RBPJ: variants seen among roughly 807,000 people sequenced by gnomAD.
RBPJ encodes the protein recombination signal binding protein for immunoglobulin kappa J region.
In RBPJ, 9 loss-of-function variants were observed where a neutral mutation model predicts 67.8. The ratio of observed to expected loss-of-function variants is 0.13; its 90% CI spans 0.08 to 0.23. The LOEUF (loss-of-function observed/expected upper bound fraction) is 0.23. Among genes scored for constraint, RBPJ ranks in the 10% least tolerant of loss-of-function variants. The pLI is 1.00. For missense variants in RBPJ, 305 were observed against 595.6 expected, an observed-to-expected ratio of 0.51 and a Z score of 5.08; for synonymous variants, 198 against 203.3, an observed-to-expected ratio of 0.97 and a Z score of 0.22.
intron 1 of RBPJ, among the ~76,000 whole-genome samples, chr4:26,205,964 G>A (rs1016548023): frequency 2.0e-5 from 3 of 147,430 alleles, no homozygotes; most frequent in African/African-American, 7.6e-5. Context: ...AATCCATTCA[G>A]TCTGTTGAGT....
chr4:26,395,086 C>A (rs1560320159), intron 2 of RBPJ, among the ~76,000 whole-genome samples: 1 of 152,162 alleles, frequency 6.6e-6, no homozygotes, highest in Non-Finnish European at 1.5e-5. Flanking sequence ...TGGAAATAAT[C>A]AGTTTCTGAA....
At chr4:26,412,595 G>GA (rs1734149823) in intron 3 of RBPJ, among the ~76,000 whole-genome samples, 1 of 151,856 alleles carries the variant, frequency 6.6e-6, no homozygotes, top group African/African-American at 2.4e-5. Flanking sequence ...CAAGGTCTGG[G>GA]GAAAAAAAAT....
chr4:26,385,804 T>A (rs183407112), intron 1 of RBPJ, among the ~76,000 whole-genome samples: 1,592 of 151,206 alleles, frequency 0.011, 12 homozygotes, highest in Non-Finnish European at 0.013. Flanking sequence ...TTATTTATTT[T>A]TTTATTTTAT....
At chr4:26,384,871 GCCTCTCGCCTCTCC>G in intron 1 of RBPJ, among the ~76,000 whole-genome samples, 1 of 27,454 alleles carries the variant, frequency 3.6e-5, no homozygotes, top group African/African-American at 1.9e-4. Context: ...CTCCCCTCCC[GCCTCTCGCCTCTCC>G]CCTCTCCCCT....
chr4:26,352,545 C>T (rs980053993), intron 1 of RBPJ, among the ~76,000 whole-genome samples: 2 of 152,168 alleles, frequency 1.3e-5, no homozygotes, highest in African/African-American at 4.8e-5. Flanking sequence ...CACACCTGTA[C>T]TCCCAGCACT....
At chr4:26,164,306 T>C (rs1255548185) in intron 1 of RBPJ, among the ~76,000 whole-genome samples, 5 of 152,240 alleles carry the variant, frequency 3.3e-5, no homozygotes, top group Non-Finnish European at 7.3e-5. Flanking sequence ...TACATATACA[T>C]TACAATAGTA....
In RBPJ at chr4:26,228,073, C is replaced by T. The variant is rs117273185; in HGVS notation, c.-167+64459C>T. Among the ~76,000 whole-genome samples, 229 of 152,328 alleles carry T rather than the reference C, an allele frequency of 1.5e-3. 3 individuals are homozygous for T. In the East Asian group the frequency reaches 0.037, roughly 24 times the overall value. On this transcript the variant is annotated intron_variant, in intron 1 of 4. Coordinates refer to the RBPJ transcript ENST00000512351. ...CTAGGAACACATGGCCTCAGCCCTG[C>T]GCCCCACCCATCCCTTAACCATTTC...
At chr4:26,330,059 T>C (rs961407110) in intron 1 of RBPJ, among the ~76,000 whole-genome samples, 1 of 152,196 alleles carries the variant, frequency 6.6e-6, no homozygotes, top group Non-Finnish European at 1.5e-5. Context: ...AATTAAAACC[T>C]GGTGATAAAA....
chr4:26,425,942 C>G (rs1735614464), intron 7 of RBPJ, among the ~76,000 whole-genome samples: 1 of 151,206 alleles, frequency 6.6e-6, no homozygotes, highest in South Asian at 2.1e-4. Context: ...GCCAGTGATT[C>G]ATTTCTTTGT....
chr4:26,192,606 G>A lies in RBPJ; in HGVS notation c.-167+28992G>A, dbSNP rs1056838642. On this transcript the variant is annotated intron_variant, in intron 1 of 4. Transcript: ENST00000512351. ...CTTAATTGGTTCTCAACTCTATGAG[G>A]TGGGTCTGATTAACATCCCACTGCT... Among the ~76,000 whole-genome samples, 5 of 152,140 alleles carry A rather than the reference G, an allele frequency of 3.3e-5. No individual in the cohort carries two copies. The East Asian group carries it at 7.7e-4, about 23-fold the overall frequency.
At chr4:26,165,556 A>G (rs1399403605) in intron 1 of RBPJ, among the ~76,000 whole-genome samples, 1 of 152,214 alleles carries the variant, frequency 6.6e-6, no homozygotes, top group Non-Finnish European at 1.5e-5. Flanking sequence ...TATAATCTGA[A>G]TGAGGGAAGG....
At chr4:26,113,561 G>T in the RBPJ span, 2 of 476,078 alleles carry the variant, frequency 4.2e-6, no homozygotes, top group South Asian at 3.9e-5. Flanking sequence ...AACTCACGCA[G>T]GGCAGAAGCC....
chr4:26,276,347 T>C (rs920808906), intron 1 of RBPJ, among the ~76,000 whole-genome samples: 1 of 152,176 alleles, frequency 6.6e-6, no homozygotes, highest in African/African-American at 2.4e-5. Flanking sequence ...TTTCTACTTT[T>C]AAGGTCTCTG....
chr4:26,165,566 G>T (rs957133192), intron 1 of RBPJ, among the ~76,000 whole-genome samples: 1 of 152,116 alleles, frequency 6.6e-6, no homozygotes, highest in Admixed American at 6.5e-5. Flanking sequence ...ATGAGGGAAG[G>T]GGGAGGGAAA....
At chr4:26,240,054 G>C (rs543885707) in intron 1 of RBPJ, among the ~76,000 whole-genome samples, 1 of 152,256 alleles carries the variant, frequency 6.6e-6, no homozygotes, top group East Asian at 1.9e-4. Flanking sequence ...GCAAAGTTCC[G>C]TGTGAGCAAA....
chr4:26,214,695 AGGATGGAAGGAAGGAAGGAGAGAGAG>A (rs1718580354), intron 1 of RBPJ, among the ~76,000 whole-genome samples: 2 of 86,482 alleles, frequency 2.3e-5, no homozygotes, highest in African/African-American at 1.2e-4. Context: ...AGAGGGAGGA[AGGATGGAAGGAAGGAAGGAGAGAGAG>A]AGAAAGAAAG....
the RBPJ span, among the ~76,000 whole-genome samples, chr4:26,109,460 CTA>C: frequency 0.019 from 277 of 14,632 alleles, 8 homozygotes; most frequent in South Asian, 0.027. Context: ...CTCTCTCTCT[CTA>C]TATATATATA....
chr4:26,159,896 C>A (rs926691463), upstream of RBPJ, among the ~76,000 whole-genome samples: 2 of 149,006 alleles, frequency 1.3e-5, no homozygotes, highest in Non-Finnish European at 3.0e-5. Context: ...GAGTCCAGGG[C>A]AAGAAGCTTT....
intron 1 of RBPJ, among the ~76,000 whole-genome samples, chr4:26,385,598 T>C (rs753839278): frequency 9.9e-5 from 15 of 152,186 alleles, no homozygotes; most frequent in Non-Finnish European, 1.9e-4. Context: ...TCCCAACCAG[T>C]TGAAATGCTT....
Sources: allele counts gnomAD v4.1 joint callset (sites outside exome capture counted in the v4.1 genomes callset), GRCh38; gene constraint gnomAD v4.1.1; transcripts MANE v1.5; gene names NCBI Gene and HGNC (gene_info 2026-07-23, HGNC 2026-07-21).